Variants in TENM4 observed in about 807,000 individuals in gnomAD.
TENM4 encodes the protein teneurin transmembrane protein 4, also known as teneurin-4.
A neutral mutation model predicts 243.3 loss-of-function variants in TENM4; 82 were observed. The ratio of observed to expected loss-of-function variants is 0.34; its 90% CI spans 0.28 to 0.40. TENM4 has a LOEUF of 0.40. TENM4 is among the 10% of genes least tolerant of loss of function. TENM4 has a pLI of 1.00. For synonymous variants in TENM4, 1,412 were observed against 1,456.3 expected (o/e 0.97, Z 0.69); for missense variants, 3,138 against 3,673.3 (o/e 0.85, Z 3.77).
At chr11:78,731,194 T>G (rs1028616514) in intron 21 of TENM4, among the ~76,000 whole-genome samples, 9 of 152,192 alleles carry the variant, frequency 5.9e-5, no homozygotes, top group Non-Finnish European at 7.3e-5. Flanking sequence ...GGGAAAAATG[T>G]CTAGCTGGAG....
At chr11:79,137,569 C>T (rs983812361) in intron 4 of TENM4, among the ~76,000 whole-genome samples, 2 of 152,144 alleles carry the variant, frequency 1.3e-5, no homozygotes, top group African/African-American at 4.8e-5. Context: ...TCATTAATAC[C>T]AGTTACAACC....
chr11:79,060,964 G>A (rs534716372), intron 6 of TENM4, among the ~76,000 whole-genome samples: 1 of 152,168 alleles, frequency 6.6e-6, no homozygotes, highest in East Asian at 1.9e-4. Flanking sequence ...TCTGGCTGGG[G>A]CCCAGGGGTT....
chr11:79,328,159 C>T (rs1197346094), intron 1 of TENM4, among the ~76,000 whole-genome samples: 1 of 152,202 alleles, frequency 6.6e-6, no homozygotes, highest in African/African-American at 2.4e-5. Context: ...AGAGAATGAA[C>T]ATTTAGGCTC....
intron 3 of TENM4, among the ~76,000 whole-genome samples, chr11:79,184,456 T>TGCTCTC (rs1863346487): frequency 6.6e-6 from 1 of 151,092 alleles, no homozygotes; most frequent in South Asian, 2.1e-4. Flanking sequence ...CAGGCAGTAT[T>TGCTCTC]GCTCTCGCTG....
At chr11:79,043,785 T>A (rs1306169254) in intron 6 of TENM4, among the ~76,000 whole-genome samples, 1 of 152,120 alleles carries the variant, frequency 6.6e-6, no homozygotes, top group Non-Finnish European at 1.5e-5. Flanking sequence ...AGAAAATAGC[T>A]TATAATAACC....
intron 6 of TENM4, among the ~76,000 whole-genome samples, chr11:78,970,353 C>T (rs1857515499): frequency 6.6e-6 from 1 of 152,154 alleles, no homozygotes; most frequent in Non-Finnish European, 1.5e-5. Context: ...CTTTTGAAAG[C>T]ATTTCAAAGA....
At chr11:78,846,446 G>A (rs912568502) in intron 12 of TENM4, among the ~76,000 whole-genome samples, 1 of 152,194 alleles carries the variant, frequency 6.6e-6, no homozygotes, top group Non-Finnish European at 1.5e-5. Context: ...AAGGCAATGA[G>A]TAAACACGGG....
intron 6 of TENM4, among the ~76,000 whole-genome samples, chr11:78,987,415 A>G (rs78048084): frequency 0.011 from 1,675 of 152,346 alleles, 37 homozygotes; most frequent in African/African-American, 0.038. Context: ...AGTCCACACC[A>G]CATGATTCTG....
At chr11:78,961,315 C>T (rs574963006) in intron 6 of TENM4, among the ~76,000 whole-genome samples, 1 of 152,330 alleles carries the variant, frequency 6.6e-6, no homozygotes, top group Admixed American at 6.5e-5. Context: ...TGCCCCACCT[C>T]TTAGAGGTTT....
chr11:79,386,188 G>A (rs1181416454), intron 1 of TENM4, among the ~76,000 whole-genome samples: 3 of 151,992 alleles, frequency 2.0e-5, no homozygotes, highest in African/African-American at 2.4e-5. Context: ...TACAATAGAC[G>A]TTGTTAGGTC....
At chr11:78,760,806 T>A (rs1436980341) in intron 18 of TENM4, among the ~76,000 whole-genome samples, 1 of 152,240 alleles carries the variant, frequency 6.6e-6, no homozygotes, top group Non-Finnish European at 1.5e-5. Context: ...TTAATTTCCA[T>A]CTTTTTATCC....
rs17137780 is a variant in TENM4, at chr11:79,121,301, C to A, written c.-66+27409G>T. On this transcript the variant is annotated intron_variant, in intron 4 of 33. Coordinates refer to ENST00000278550, the MANE Select transcript of TENM4 (RefSeq NM_001098816.3). The stretch of plus-strand genomic sequence containing the variant: ...AAAGTGGAAGTCAAAATAATCTGGG[C>A]TTGAGGACAAAGGAAAGGCAAGAGA... Among the ~76,000 whole-genome samples, 925 of 152,202 alleles carry A rather than the reference C, an allele frequency of 6.1e-3. 9 individuals carry two copies. The highest frequency in any genetic ancestry group is 0.021 in the African/African-American group (887 of 41,538).
intron 4 of TENM4, among the ~76,000 whole-genome samples, chr11:79,085,294 G>T (rs1289888386): frequency 6.6e-6 from 1 of 151,102 alleles, no homozygotes; most frequent in Non-Finnish European, 1.5e-5. Flanking sequence ...GGAGAATGGC[G>T]TGAACCCGGG....
chr11:78,956,040 C>T (rs1309562565), intron 6 of TENM4, among the ~76,000 whole-genome samples: 1 of 152,206 alleles, frequency 6.6e-6, no homozygotes, highest in East Asian at 1.9e-4. Context: ...TGACTCTCCA[C>T]AGCTGTATCA....
chr11:79,214,830 A>G (rs534083898), intron 3 of TENM4, among the ~76,000 whole-genome samples: 2 of 152,340 alleles, frequency 1.3e-5, no homozygotes, highest in South Asian at 2.1e-4. Context: ...CCCCTAAAAT[A>G]TGGGAGAGAT....
intron 3 of TENM4, among the ~76,000 whole-genome samples, chr11:79,209,675 A>G (rs903486071): frequency 8.5e-5 from 13 of 152,238 alleles, no homozygotes; most frequent in African/African-American, 2.7e-4. Context: ...TGGTCTGGAA[A>G]GAAAGAGCTG....
intron 6 of TENM4, among the ~76,000 whole-genome samples, chr11:78,922,335 A>G (rs1373881203): frequency 1.3e-5 from 2 of 152,242 alleles, no homozygotes; most frequent in Non-Finnish European, 1.5e-5. Context: ...CCTTGCCCTC[A>G]TGATGTCTTT....
chr11:79,325,011 T>A (rs755072868), intron 1 of TENM4, among the ~76,000 whole-genome samples: 2 of 151,900 alleles, frequency 1.3e-5, no homozygotes, highest in Non-Finnish European at 2.9e-5. Context: ...CAGGGACAGG[T>A]TTTTCTGAGA....
At chr11:78,809,593 G>T (rs139626758) in intron 14 of TENM4, among the ~76,000 whole-genome samples, 1 of 152,320 alleles carries the variant, frequency 6.6e-6, no homozygotes, top group African/African-American at 2.4e-5. Context: ...GAACAATGGT[G>T]ATTTCCCAAG....
Sources: allele counts gnomAD v4.1 joint callset (sites outside exome capture counted in the v4.1 genomes callset), GRCh38; gene constraint gnomAD v4.1.1; transcripts MANE v1.5; gene names NCBI Gene and HGNC (gene_info 2026-07-23, HGNC 2026-07-21).